The following AKAP9 variants were observed in gnomAD, a reference collection of about 807,000 sequenced individuals.
AKAP9 encodes A-kinase anchoring protein 9, also known as A-kinase anchor protein 9.
Under a neutral mutation model 488.5 loss-of-function variants are expected in AKAP9, and 311 were observed. That is an observed-to-expected ratio of 0.64 (90% confidence interval 0.58 to 0.70). AKAP9 has a LOEUF of 0.70. Ranked by LOEUF, AKAP9 falls within the 30% of genes least tolerant of loss-of-function variation. The probability of loss-of-function intolerance (pLI) is 0.00; values close to 1 mark genes in which losing one functional copy is unlikely to be tolerated. For synonymous variants in AKAP9, 1,462 were observed against 1,483.5 expected (o/e 0.99, Z 0.33); for missense variants, 4,215 against 4,374.5 (o/e 0.96, Z 1.03).
At chr7:92,047,343 A>G (rs949181831) in intron 21 of AKAP9, among the ~76,000 whole-genome samples, 3 of 151,996 alleles carry the variant, frequency 2.0e-5, no homozygotes, top group African/African-American at 7.3e-5. Context: ...CAGCCTCCCA[A>G]GTAGCTGGGA....
chr7:92,062,243 A>T (rs904924584), intron 23 of AKAP9, 31 bp from the exon 24 acceptor site: 2 of 1,560,734 alleles, frequency 1.3e-6, no homozygotes, highest in East Asian at 2.2e-5. Context: ...AATGAATAAT[A>T]GTTCTATTTT....
Position 92,066,438 on chromosome 7 carries a change from T to C in AKAP9, c.6222T>C (p.Ile2074=). ...TCATTAAACTTTAGGAGCAAGCCAT[T>C]GACAGAGAACATGAGAGAGATGTAT... ...KMRKFLDEQA[I]DREHERDVFQ... Residue 2074 remains isoleucine (I), a synonymous_variant, in exon 26 of 50, where the codon ATT becomes ATC. Transcript: ENST00000356239. 6.2e-7 allele frequency: 1 copy of C among 1,613,268 alleles called. No homozygotes were observed. The highest frequency in any genetic ancestry group is 8.5e-7 in the Non-Finnish European group (1 of 1,179,450).
chr7:92,023,021 C>G lies in AKAP9; in HGVS notation c.4148+12C>G, dbSNP rs1254680260. The G allele has an allele frequency of 6.2e-7, 1 of 1,608,328 alleles. No homozygotes were observed. Among genetic ancestry groups the G allele is most frequent in the Non-Finnish European group, 8.5e-7 (1 of 1,174,796 alleles). ...ACGGTTCCGCCAAGGTATTCATCTG[C>G]TTATAGCTTCATTCAACAGTATTTG... On this transcript the variant is annotated intron_variant, in intron 14 of 49. Transcript: ENST00000356239.
chr7:92,099,953 T>A, intron 44 of AKAP9, 84 bp downstream of exon 44: 1 of 1,373,642 alleles, frequency 7.3e-7, no homozygotes, highest in Non-Finnish European at 1.0e-6. Flanking sequence ...TTAATCCTGT[T>A]AATGTAAAAC....
intron 3 of AKAP9, among the ~76,000 whole-genome samples, chr7:91,985,693 G>T (rs1326515181): frequency 6.6e-6 from 1 of 152,044 alleles, no homozygotes; most frequent in Non-Finnish European, 1.5e-5. Flanking sequence ...TTTCGCCCAG[G>T]CTGGAGTGCA....
chr7:91,960,695 T>C (rs1191583837), intron 1 of AKAP9, among the ~76,000 whole-genome samples: 1 of 152,238 alleles, frequency 6.6e-6, no homozygotes, highest in African/African-American at 2.4e-5. Flanking sequence ...TTACAATTCA[T>C]GAGAGTAGGG....
intron 1 of AKAP9, among the ~76,000 whole-genome samples, chr7:91,961,106 C>G (rs1409416821): frequency 1.3e-5 from 2 of 151,978 alleles, no homozygotes; most frequent in African/African-American, 2.4e-5. Context: ...AATGAACACT[C>G]AAGAAACTGA....
At chr7:91,988,672 A>C (rs1242411684) in intron 3 of AKAP9, among the ~76,000 whole-genome samples, 2 of 152,186 alleles carry the variant, frequency 1.3e-5, no homozygotes, top group Non-Finnish European at 2.9e-5. Flanking sequence ...TTTTCTGGTA[A>C]ATAGGGCAAT....
chr7:91,982,957 T>A (rs1796617612), intron 3 of AKAP9, among the ~76,000 whole-genome samples: 1 of 152,226 alleles, frequency 6.6e-6, no homozygotes, highest in African/African-American at 2.4e-5. Flanking sequence ...CATTTTTTCA[T>A]GTGTCTGTTG....
chr7:92,012,061 A>G (rs575058247), intron 8 of AKAP9, among the ~76,000 whole-genome samples: 1 of 152,328 alleles, frequency 6.6e-6, no homozygotes, highest in Admixed American at 6.5e-5. Context: ...TGATTGCACC[A>G]CTGTACTCCA....
chr7:92,005,247 G>A lies in AKAP9; in HGVS notation c.3318+2012G>A, dbSNP rs182473894. Among the ~76,000 whole-genome samples the A allele has an allele frequency of 2.4e-4, 37 of 152,242 alleles. 1 individual carries two copies. Among genetic ancestry groups the A allele is most frequent in the African/African-American group, 8.4e-4 (35 of 41,536 alleles). On this transcript the variant is annotated intron_variant, in intron 8 of 49. Coordinates refer to ENST00000356239, the MANE Select transcript of AKAP9 (RefSeq NM_005751.5). The stretch of plus-strand genomic sequence containing the variant: ...GTATTTTATTGAGGATTTTTGCATC[G>A]ATGTTCATCAGGATATTGGGAATGT...
intron 7 of AKAP9, among the ~76,000 whole-genome samples, chr7:91,996,973 A>G (rs1358181781): frequency 1.3e-5 from 2 of 152,182 alleles, no homozygotes; most frequent in Non-Finnish European, 2.9e-5. Context: ...GAGGACACCA[A>G]CACAAAGCAA....
intron 46 of AKAP9, 130 bp from the exon 47 acceptor site, chr7:92,105,547 GT>G (rs1199928337): frequency 3.9e-5 from 29 of 748,094 alleles, no homozygotes; most frequent in Admixed American, 3.6e-4. Flanking sequence ...CATTGACATA[GT>G]TTAACTGGGC....
chr7:92,032,496 CAAA>C (rs56966156), intron 16 of AKAP9, among the ~76,000 whole-genome samples: 9 of 80,500 alleles, frequency 1.1e-4, no homozygotes, highest in Non-Finnish European at 1.8e-4. Context: ...AACTCCGTCT[CAAA>C]AAAAAAAAAA....
chr7:91,996,959 A>G (rs1798478158), intron 7 of AKAP9, among the ~76,000 whole-genome samples: 1 of 152,176 alleles, frequency 6.6e-6, no homozygotes, highest in African/African-American at 2.4e-5. Flanking sequence ...CCTATTTTCT[A>G]AGTGAGGACA....
chr7:92,018,477 G>T (rs917210179), intron 12 of AKAP9, among the ~76,000 whole-genome samples: 1 of 150,474 alleles, frequency 6.6e-6, no homozygotes, highest in East Asian at 1.9e-4. Context: ...CTGTTTTAAG[G>T]TTGGGAAACA....
chr7:92,082,879 T>C (rs1813829449), intron 32 of AKAP9, among the ~76,000 whole-genome samples: 1 of 152,236 alleles, frequency 6.6e-6, no homozygotes, highest in Non-Finnish European at 1.5e-5. Flanking sequence ...ATACTTTTTA[T>C]TTCCATTCTG....
intron 3 of AKAP9, among the ~76,000 whole-genome samples, chr7:91,986,813 G>A (rs917915722): frequency 2.0e-5 from 3 of 151,922 alleles, no homozygotes; most frequent in Non-Finnish European, 4.4e-5. Context: ...ATAAAACTTA[G>A]AACAGTATTT....
chr7:91,978,250 A>AT (rs1318281357), intron 2 of AKAP9, among the ~76,000 whole-genome samples: 1 of 151,942 alleles, frequency 6.6e-6, no homozygotes. Flanking sequence ...TCAAAAAAAA[A>AT]AAAAAAAAAA....
Sources: allele counts gnomAD v4.1 joint callset (sites outside exome capture counted in the v4.1 genomes callset), GRCh38; gene constraint gnomAD v4.1.1; transcripts MANE v1.5; gene names NCBI Gene and HGNC (gene_info 2026-07-23, HGNC 2026-07-21).